The following SLC5A6 variants were observed in gnomAD, a reference collection of about 807,000 sequenced individuals.
SLC5A6 encodes the protein solute carrier family 5 member 6.
In SLC5A6, 31 loss-of-function variants were observed where a neutral mutation model predicts 67.9. The ratio of observed to expected loss-of-function variants is 0.46; its 90% confidence interval spans 0.34 to 0.62. The LOEUF (loss-of-function observed/expected upper bound fraction) is 0.62. SLC5A6 is among the 20% of genes least tolerant of loss of function. The pLI is 0.01. For synonymous variants in SLC5A6, 343 were observed against 331.0 expected (o/e 1.04, Z -0.39); for missense variants, 673 against 812.8 (o/e 0.83, Z 2.09).
Position 27,204,571 on chromosome 2 carries a change from G to A in SLC5A6, c.895C>T (p.Pro299Ser). 1 of 1,614,076 alleles carries A rather than the reference G, an allele frequency of 6.2e-7. No individual in the cohort carries two copies. Among genetic ancestry groups the A allele is most frequent in the South Asian group, 1.1e-5 (1 of 91,078 alleles). Residue 299 changes from proline to serine, a missense_variant, in exon 9 of 17, where the codon CCC (proline) becomes TCC (serine). Pro to Ser is a moderately conservative substitution (Grantham distance 74). Transcript: ENST00000310574. ...AAVLSCYAVF[P>S]FQQVSLCVGC... Reference sequence around the variant, plus strand: ...ACGCAGAGGGACACCTGCTGGAAGGGGAACACTGCATAACAGGAGCTGCAA... The same window carrying A: ...ACGCAGAGGGACACCTGCTGGAAGGAGAACACTGCATAACAGGAGCTGCAA...
intron 10 of SLC5A6, 101 bp downstream of exon 10, chr2:27,203,678 T>TA (rs1464278821): frequency 4.6e-6 from 4 of 874,350 alleles, no homozygotes; most frequent in Non-Finnish European, 5.8e-6. Context: ...GTGAGAAACT[T>TA]AGAGGGATTC....
chr2:27,208,477 G>A (rs1463062571), intron 2 of SLC5A6: 3 of 152,974 alleles, frequency 2.0e-5, no homozygotes, highest in South Asian at 2.1e-4. Flanking sequence ...GGGGAAAGGT[G>A]AGAGGGCACC....
rs769850274 is a variant in SLC5A6, at chr2:27,200,427, G to A, written c.*9C>T. 3 of 1,605,692 alleles carry A rather than the reference G, an allele frequency of 1.9e-6. No individual in the cohort carries two copies. The highest frequency in any genetic ancestry group is 1.3e-5 in the African/African-American group (1 of 74,938). On this transcript the variant is annotated 3_prime_UTR_variant, in exon 17 of 17. Coordinates refer to ENST00000310574, the MANE Select transcript of SLC5A6 (RefSeq NM_021095.4). ...ACAGTGAGGACAGAGGCGGGGTCCT[G>A]AGTCAACATCACAGGGAGGTCTCCT...
intron 11 of SLC5A6, 36 bp from the exon 12 acceptor site, chr2:27,202,916 G>GT (rs1558505400): frequency 1.2e-6 from 2 of 1,610,530 alleles, no homozygotes; most frequent in African/African-American, 1.3e-5. Context: ...ACAAGAAGGT[G>GT]TGAGTTAACA....
At chr2:27,201,193 G>A in intron 15 of SLC5A6, 80 bp from the exon 16 acceptor site, 1 of 1,142,526 alleles carries the variant, frequency 8.8e-7, no homozygotes. Context: ...GGCCCCCAGA[G>A]ACCCCAGCCC....
Position 27,205,062 on chromosome 2 carries a change from A to G in SLC5A6, c.735-131T>C. ...AGGGCCAAGGGGGACACTGAAAGCA[A>G]GAAGCTGGGTGCACTCGAGAGACAG... On this transcript the variant is annotated intron_variant, in intron 7 of 16. Coordinates refer to ENST00000310574, the MANE Select transcript of SLC5A6 (RefSeq NM_021095.4). The G allele has an allele frequency of 2.8e-6, 3 of 1,087,196 alleles. No homozygotes were observed. The Middle Eastern group carries it at 6.7e-4, about 242-fold the overall frequency. 67.3% of individuals were successfully genotyped at this position (1,087,196 alleles called of 1,614,324 possible).
intron 1 of SLC5A6, 70 bp downstream of exon 1, chr2:27,211,950 C>T: frequency 2.2e-6 from 1 of 459,020 alleles, no homozygotes; most frequent in Non-Finnish European, 3.8e-6. Context: ...GAGCCCTGGC[C>T]GGGAGCCCGC....
At chr2:27,203,643 C>A in intron 10 of SLC5A6, 136 bp downstream of exon 10, 1 of 706,182 alleles carries the variant, frequency 1.4e-6, no homozygotes, top group South Asian at 1.7e-5. Flanking sequence ...TATCCCTTGT[C>A]ATGCACACAG....
chr2:27,212,532 C>T, upstream of SLC5A6: 1 of 1,505,842 alleles, frequency 6.6e-7, no homozygotes. Context: ...TCGCGCTCGC[C>T]AGCGGCTCCC....
In SLC5A6 at chr2:27,204,220, A is replaced by C. The variant is rs563449804; in HGVS notation, c.1005+241T>G. ...TGATAGCTCCCAGCAGAGCACATGG[A>C]GCCCAATGGGGAGTCAGTAAGGGTA... On this transcript the variant is annotated intron_variant, in intron 9 of 16. Transcript: ENST00000310574. Among the ~76,000 whole-genome samples the C allele has an allele frequency of 9.2e-5, 14 of 152,278 alleles. 1 individual carries two copies. The South Asian group carries it at 2.9e-3, about 32-fold the overall frequency.
intron 12 of SLC5A6, 40 bp downstream of exon 12, chr2:27,202,773 C>A (rs1405742390): frequency 6.4e-7 from 1 of 1,552,846 alleles, no homozygotes. Flanking sequence ...TCAATTCCTT[C>A]TCTCCCTTAA....
At chr2:27,206,210 A>G (rs373621195) in intron 5 of SLC5A6, 117 bp from the exon 6 acceptor site, 4 of 904,348 alleles carry the variant, frequency 4.4e-6, no homozygotes, top group South Asian at 1.5e-5. Context: ...ACAATGAAAT[A>G]AATCATTCAC....
intron 5 of SLC5A6, 173 bp from the exon 6 acceptor site, chr2:27,206,266 C>G: frequency 1.4e-6 from 1 of 706,472 alleles, no homozygotes; most frequent in Non-Finnish European, 2.5e-6. Flanking sequence ...AAGATATTGA[C>G]TAACCAGTTC....
chr2:27,212,183 C>T lies in SLC5A6; in HGVS notation c.-371G>A, dbSNP rs1441303077. The T allele has an allele frequency of 1.3e-6, 2 of 1,541,846 alleles. No homozygotes were observed. Among genetic ancestry groups the T allele is most frequent in the East Asian group, 2.5e-5 (1 of 40,642 alleles). On this transcript the variant is annotated 5_prime_UTR_variant, in exon 1 of 17. Coordinates refer to ENST00000310574, the MANE Select transcript of SLC5A6 (RefSeq NM_021095.4). ...AAGGAAGAGGGGGTCGGCCAGTATC[C>T]CCGAAAGAGGGCTAGGGCGCATGAA...
At position 27,206,017 on chromosome 2, in the gene SLC5A6, T is replaced by A. The variant is rs1379663130; in HGVS notation, c.579+9A>T. On this transcript the variant is annotated intron_variant, in intron 6 of 16. Transcript: ENST00000310574. ...TTCCCCTCCCCACACCACGGCTTACTGCACTTACCAGAGCTGTATAGACGG... is the reference window on the plus strand; with the variant it reads ...TTCCCCTCCCCACACCACGGCTTACAGCACTTACCAGAGCTGTATAGACGG... 8 of 1,608,016 alleles carry A rather than the reference T, an allele frequency of 5.0e-6. No homozygotes were observed. The highest frequency in any genetic ancestry group is 6.8e-6 in the Non-Finnish European group (8 of 1,174,436).
chr2:27,200,702 CA>C lies in SLC5A6; in HGVS notation c.1765-124del, dbSNP rs1673556569. ...GCAAGGCTGGGTTCGGGAGGGAGAG[CA>C]GGGGGAAAAGAGGGAGGGCATAGCA... On this transcript the variant is annotated intron_variant, in intron 16 of 16. Transcript: ENST00000310574. The C allele has an allele frequency of 7.1e-6, 7 of 981,036 alleles. No individual in the cohort carries two copies. In the East Asian group the frequency reaches 9.8e-5, roughly 14 times the overall value. The allele number at this position is 981,036 out of a possible 1,614,324, so 60.8% of individuals were successfully genotyped here.
At chr2:27,203,630 A>T in intron 10 of SLC5A6, 149 bp downstream of exon 10, 1 of 677,184 alleles carries the variant, frequency 1.5e-6, no homozygotes, top group Non-Finnish European at 2.6e-6. Context: ...TACAAAGATG[A>T]GCTATCCCTT....
At position 27,201,023 on chromosome 2, in the gene SLC5A6, C is replaced by G. The variant is rs767221333; in HGVS notation, c.1739G>C (p.Arg580Pro). 1 of 1,613,272 alleles carries G rather than the reference C, an allele frequency of 6.2e-7. No homozygotes were observed. The highest frequency in any genetic ancestry group is 1.7e-5 in the Admixed American group (1 of 59,934). Residue 580 changes from arginine (R) to proline (P), a missense_variant, in exon 16 of 17, where the codon CGG becomes CCG. Arg to Pro is a moderately radical substitution (Grantham distance 103). Coordinates refer to ENST00000310574, the MANE Select transcript of SLC5A6 (RefSeq NM_021095.4). ...LSLLPLSCQK[R>P]LHCRSYGQDH... ...CTGGCCGTAGCTCCTGCAGTGGAGCCGCTTCTGACAGGACAACGGAAGGAG... is the reference window on the plus strand; with the variant it reads ...CTGGCCGTAGCTCCTGCAGTGGAGCGGCTTCTGACAGGACAACGGAAGGAG...
chr2:27,209,104 C>A (rs534006240), intron 2 of SLC5A6, among the ~76,000 whole-genome samples: 1 of 152,218 alleles, frequency 6.6e-6, no homozygotes. Context: ...CTGACGATTT[C>A]ACAGATAAAC....
Sources: allele counts gnomAD v4.1 joint callset (sites outside exome capture counted in the v4.1 genomes callset), GRCh38; gene constraint gnomAD v4.1.1; transcripts MANE v1.5; gene names NCBI Gene and HGNC (gene_info 2026-07-23, HGNC 2026-07-21).